ABTB3: variants seen among roughly 807,000 people sequenced by gnomAD.
ABTB3 encodes the protein ankyrin repeat- and BTB/POZ domain-containing protein 3.
chr12:107,404,514 G>A, the ABTB3 span, among the ~76,000 whole-genome samples: 1 of 152,156 alleles, frequency 6.6e-6, no homozygotes, highest in Non-Finnish European at 1.5e-5. Context: ...TCTCTAAAAT[G>A]CATACTAGAG....
At chr12:107,630,136 G>A in the ABTB3 span, among the ~76,000 whole-genome samples, 1 of 152,166 alleles carries the variant, frequency 6.6e-6, no homozygotes, top group East Asian at 1.9e-4. Flanking sequence ...TTAGGACTCT[G>A]TTCCTTGAAA....
chr12:107,632,869 A>G, the ABTB3 span, among the ~76,000 whole-genome samples: 2 of 152,172 alleles, frequency 1.3e-5, no homozygotes, highest in Non-Finnish European at 2.9e-5. Flanking sequence ...CTTAACTCCT[A>G]GTGTGGTTAC....
At chr12:107,377,563 G>A in the ABTB3 span, among the ~76,000 whole-genome samples, 3 of 152,168 alleles carry the variant, frequency 2.0e-5, no homozygotes, top group African/African-American at 7.2e-5. Context: ...AGGGTCCCAT[G>A]TGCTGGAGGT....
chr12:107,363,155 C>A, the ABTB3 span, among the ~76,000 whole-genome samples: 5 of 152,248 alleles, frequency 3.3e-5, no homozygotes, highest in African/African-American at 1.2e-4. Context: ...GCATGCCCCT[C>A]ACTGCGTTGG....
chr12:107,621,847 C>A, the ABTB3 span, among the ~76,000 whole-genome samples: 1 of 152,318 alleles, frequency 6.6e-6, no homozygotes, highest in South Asian at 2.1e-4. Context: ...GTTCTCAGAA[C>A]CTGAGCCCAT....
the ABTB3 span, among the ~76,000 whole-genome samples, chr12:107,557,596 T>C: frequency 2.4e-4 from 36 of 152,214 alleles, no homozygotes; most frequent in Non-Finnish European, 5.0e-4. Context: ...ATTTAGTCAA[T>C]CCATAAGCAT....
the ABTB3 span, among the ~76,000 whole-genome samples, chr12:107,494,077 C>T: frequency 1.3e-5 from 2 of 152,206 alleles, no homozygotes; most frequent in Non-Finnish European, 2.9e-5. Flanking sequence ...TTAGGATACT[C>T]ACTTTACAAA....
At chr12:107,482,989 C>CTTTCTTTCTTTCT in the ABTB3 span, among the ~76,000 whole-genome samples, 7 of 17,312 alleles carry the variant, frequency 4.0e-4, no homozygotes, top group East Asian at 2.3e-3. Context: ...TCTTTCTTTC[C>CTTTCTTTCTTTCT]TTCCTTCCTT....
the ABTB3 span, chr12:107,319,339 G>C: frequency 6.4e-7 from 1 of 1,551,466 alleles, no homozygotes; most frequent in Non-Finnish European, 8.7e-7. Flanking sequence ...CCAAGCTGTC[G>C]ACGCTGGTGA....
chr12:107,577,196 G>A, the ABTB3 span, among the ~76,000 whole-genome samples: 3 of 152,324 alleles, frequency 2.0e-5, no homozygotes, highest in East Asian at 5.8e-4. Context: ...GGCCCACAAA[G>A]CCTAACATAC....
At chr12:107,535,923 A>G in the ABTB3 span, among the ~76,000 whole-genome samples, 1 of 152,188 alleles carries the variant, frequency 6.6e-6, no homozygotes, top group African/African-American at 2.4e-5. Context: ...ATATGGAAAT[A>G]CAAAAAACCC....
the ABTB3 span, among the ~76,000 whole-genome samples, chr12:107,403,671 T>G: frequency 4.6e-5 from 7 of 152,258 alleles, no homozygotes; most frequent in East Asian, 1.4e-3. Context: ...TACAGCTATC[T>G]GGGAGCACAG....
the ABTB3 span, among the ~76,000 whole-genome samples, chr12:107,647,248 T>G: frequency 3.9e-5 from 6 of 152,158 alleles, no homozygotes; most frequent in Non-Finnish European, 8.8e-5. Context: ...AAGGATTGCT[T>G]GAGCCTGGGA....
chr12:107,512,835 T>C, the ABTB3 span, among the ~76,000 whole-genome samples: 1 of 152,256 alleles, frequency 6.6e-6, no homozygotes, highest in East Asian at 1.9e-4. Flanking sequence ...ATTTTCCAAA[T>C]GTTTTATACA....
At chr12:107,639,540 TAGG>T in the ABTB3 span, among the ~76,000 whole-genome samples, 1 of 151,934 alleles carries the variant, frequency 6.6e-6, no homozygotes, top group South Asian at 2.1e-4. Context: ...AGGAAACACT[TAGG>T]AGGACAGGGG....
chr12:107,320,782 T>C, the ABTB3 span: 157 of 428,126 alleles, frequency 3.7e-4, 3 homozygotes, highest in African/African-American at 2.9e-3. Context: ...GGCCTCTCCA[T>C]TCCCTCTGGC....
At chr12:107,610,914 T>C in the ABTB3 span, among the ~76,000 whole-genome samples, 1 of 152,124 alleles carries the variant, frequency 6.6e-6, no homozygotes, top group Non-Finnish European at 1.5e-5. Flanking sequence ...TGAACCGTCA[T>C]GGACAGAGAA....
At chr12:107,366,423 G>GA in the ABTB3 span, among the ~76,000 whole-genome samples, 1 of 151,786 alleles carries the variant, frequency 6.6e-6, no homozygotes, top group Non-Finnish European at 1.5e-5. Context: ...AGTAAAAAAG[G>GA]AAAAAACCTA....
At chr12:107,544,638 G>T in the ABTB3 span, among the ~76,000 whole-genome samples, 1 of 152,172 alleles carries the variant, frequency 6.6e-6, no homozygotes, top group Non-Finnish European at 1.5e-5. Context: ...AAGGAACTGG[G>T]AGAGGACCCG....
Sources: gnomAD v4.1 joint callset for allele counts (sites outside exome capture counted in the v4.1 genomes callset) on GRCh38, gnomAD v4.1.1 for gene constraint, MANE v1.5 for transcripts, NCBI Gene and HGNC (gene_info 2026-07-23, HGNC 2026-07-21) for gene names.